Variants in STAG1 observed in about 807,000 individuals in gnomAD.
The protein encoded by STAG1 is cohesin subunit SA-1.
STAG1 carries 26 observed loss-of-function variants against 170.9 expected under a neutral mutation model. The ratio of observed to expected loss-of-function variants is 0.15; its 90% CI spans 0.11 to 0.21. The LOEUF is 0.21. Among genes scored for constraint, STAG1 ranks in the 10% least tolerant of loss-of-function variants. The pLI is 1.00. For synonymous variants in STAG1, 514 were observed against 497.7 expected, an observed-to-expected ratio of 1.03 and a Z score of -0.44; for missense variants, 964 against 1,509.5, an observed-to-expected ratio of 0.64 and a Z score of 5.99.
chr3:136,651,925 G>A (rs1171712090), intron 1 of STAG1, among the ~76,000 whole-genome samples: 1 of 152,116 alleles, frequency 6.6e-6, no homozygotes, highest in Non-Finnish European at 1.5e-5. Flanking sequence ...AGCATGTCAG[G>A]GGAAGAGGTA....
At chr3:136,748,264 A>G (rs147254021) in intron 1 of STAG1, among the ~76,000 whole-genome samples, 1 of 152,038 alleles carries the variant, frequency 6.6e-6, no homozygotes, top group Non-Finnish European at 1.5e-5. Flanking sequence ...AGCTAGGTGT[A>G]CTGGCACATG....
At chr3:136,439,852 A>G (rs555432169) in intron 15 of STAG1, among the ~76,000 whole-genome samples, 2 of 152,326 alleles carry the variant, frequency 1.3e-5, no homozygotes, top group South Asian at 4.1e-4. Flanking sequence ...ACTTCCAAAA[A>G]TGTTCCCATC....
chr3:136,608,218 C>T (rs1939059330), intron 3 of STAG1, among the ~76,000 whole-genome samples: 1 of 150,388 alleles, frequency 6.6e-6, no homozygotes, highest in South Asian at 2.1e-4. Flanking sequence ...GAAATTGCAC[C>T]ATTGTACTCC....
At chr3:136,615,507 G>T (rs1283857081) in intron 3 of STAG1, among the ~76,000 whole-genome samples, 1 of 151,030 alleles carries the variant, frequency 6.6e-6, no homozygotes, top group African/African-American at 2.4e-5. Context: ...GTGGCCGGTC[G>T]GTGGCTCACG....
intron 21 of STAG1, among the ~76,000 whole-genome samples, chr3:136,407,064 T>C (rs2087504542): frequency 6.6e-6 from 1 of 152,256 alleles, no homozygotes; most frequent in African/African-American, 2.4e-5. Flanking sequence ...TTTGCTCTTG[T>C]TGCCCAGGCT....
intron 23 of STAG1, 116 bp downstream of exon 23, chr3:136,377,544 G>T: frequency 1.4e-6 from 1 of 737,758 alleles, no homozygotes; most frequent in Non-Finnish European, 2.3e-6. Flanking sequence ...TCCAGGTCCA[G>T]TAAATGTTAG....
chr3:136,713,997 C>A (rs1943454507), intron 1 of STAG1, among the ~76,000 whole-genome samples: 1 of 152,050 alleles, frequency 6.6e-6, no homozygotes, highest in African/African-American at 2.4e-5. Context: ...GCACTCCAGC[C>A]TGGGCAACAG....
intron 23 of STAG1, 32 bp from the exon 24 acceptor site, chr3:136,369,314 A>G: frequency 6.6e-7 from 1 of 1,524,672 alleles, no homozygotes; most frequent in Non-Finnish European, 8.8e-7. Context: ...TCAGCAAAAT[A>G]TTACACAAAT....
chr3:136,592,647 A>G (rs566797047), intron 4 of STAG1, among the ~76,000 whole-genome samples: 45 of 152,260 alleles, frequency 3.0e-4, no homozygotes, highest in Admixed American at 9.8e-4. Context: ...GCCAGCAACA[A>G]TGGCCACCAG....
chr3:136,667,029 T>C (rs531681778), intron 1 of STAG1, among the ~76,000 whole-genome samples: 14 of 152,164 alleles, frequency 9.2e-5, no homozygotes, highest in Non-Finnish European at 1.5e-4. Flanking sequence ...GACTAAGTTA[T>C]ATTTATGTAA....
intron 1 of STAG1, among the ~76,000 whole-genome samples, chr3:136,674,096 C>CT (rs1942054920): frequency 8.8e-6 from 1 of 113,796 alleles, no homozygotes; most frequent in African/African-American, 3.3e-5. Flanking sequence ...GGGAGTGACT[C>CT]TGTCTCAAAA....
chr3:136,620,740 GAAATAT>G lies in STAG1; in HGVS notation c.132+2400_132+2405del, dbSNP rs138952090. ...ACTAATTTGTGTGAATGTATAGACTGAAATATAAATAAAACAAATTTCTAGAATACT... is the reference window on the plus strand; with the variant it reads ...ACTAATTTGTGTGAATGTATAGACTGAAATAAAACAAATTTCTAGAATACT... On this transcript the variant is annotated intron_variant, in intron 3 of 33. Coordinates refer to ENST00000383202, the MANE Select transcript of STAG1 (RefSeq NM_005862.3). Among the ~76,000 whole-genome samples the G allele has an allele frequency of 4.4e-3, 670 of 152,274 alleles. 6 individuals are homozygous for G. The highest frequency in any genetic ancestry group is 7.8e-3 in the Non-Finnish European group (530 of 68,012).
intron 12 of STAG1, among the ~76,000 whole-genome samples, chr3:136,467,600 T>C (rs556395259): frequency 2.6e-5 from 4 of 152,134 alleles, no homozygotes; most frequent in East Asian, 1.9e-4. Context: ...GACAGATCGA[T>C]GAGACAGAAA....
At chr3:136,459,417 G>C (rs1250257540) in intron 13 of STAG1, among the ~76,000 whole-genome samples, 1 of 151,864 alleles carries the variant, frequency 6.6e-6, no homozygotes, top group African/African-American at 2.4e-5. Flanking sequence ...GAGTAGTAGG[G>C]GACTTCAACG....
chr3:136,356,259 G>A (rs1418037478), intron 28 of STAG1, among the ~76,000 whole-genome samples: 1 of 151,846 alleles, frequency 6.6e-6, no homozygotes, highest in Non-Finnish European at 1.5e-5. Flanking sequence ...ACCATACTAG[G>A]GGCTTAATGA....
intron 9 of STAG1, among the ~76,000 whole-genome samples, chr3:136,496,112 C>A (rs1459416473): frequency 6.6e-6 from 1 of 152,026 alleles, no homozygotes; most frequent in Non-Finnish European, 1.5e-5. Flanking sequence ...CCACTGCACT[C>A]CAGCCTGGGC....
intron 10 of STAG1, among the ~76,000 whole-genome samples, chr3:136,476,056 G>A (rs577766080): frequency 2.0e-4 from 30 of 152,306 alleles, no homozygotes; most frequent in African/African-American, 6.7e-4. Flanking sequence ...GATGCAGTGA[G>A]AATCTTGAAC....
chr3:136,468,592 G>C (rs2089536843), intron 12 of STAG1, among the ~76,000 whole-genome samples: 1 of 152,170 alleles, frequency 6.6e-6, no homozygotes, highest in Admixed American at 6.5e-5. Flanking sequence ...GGAGGAGCTG[G>C]TACCATTCCT....
chr3:136,628,359 G>T (rs1940195368), intron 2 of STAG1, among the ~76,000 whole-genome samples: 1 of 151,986 alleles, frequency 6.6e-6, no homozygotes, highest in Admixed American at 6.6e-5. Context: ...ATAGTGAAGA[G>T]AAAAAAACAT....
Sources: gnomAD v4.1 joint callset for allele counts (sites outside exome capture counted in the v4.1 genomes callset) on GRCh38, gnomAD v4.1.1 for gene constraint, MANE v1.5 for transcripts, NCBI Gene and HGNC (gene_info 2026-07-23, HGNC 2026-07-21) for gene names.